The following KLF7 variants were observed in gnomAD, a reference collection of about 807,000 sequenced individuals.
The protein encoded by KLF7 is Krueppel-like factor 7.
A neutral mutation model predicts 27.3 loss-of-function variants in KLF7; 2 were observed. That is an observed-to-expected ratio of 0.07 (90% CI 0.03 to 0.23). The LOEUF is 0.23. KLF7 is among the 10% of genes least tolerant of loss of function. KLF7 has a pLI of 1.00. For missense variants in KLF7, 221 were observed against 394.1 expected, an observed-to-expected ratio of 0.56 and a Z score of 3.72; for synonymous variants, 165 against 162.4, an observed-to-expected ratio of 1.02 and a Z score of -0.12.
chr2:207,088,410 A>G (rs1298059335), intron 3 of KLF7, 48 bp downstream of exon 3: 1 of 1,590,148 alleles, frequency 6.3e-7, no homozygotes. Flanking sequence ...CCTCCAACCC[A>G]CTTCCCCATC....
intron 2 of KLF7, among the ~76,000 whole-genome samples, chr2:207,094,607 T>C (rs951245816): frequency 5.9e-5 from 9 of 152,190 alleles, no homozygotes; most frequent in African/African-American, 1.2e-4. Flanking sequence ...AATAAAGACA[T>C]TGTAGAGAAA....
At chr2:207,152,475 A>G (rs2078273399) in intron 1 of KLF7, among the ~76,000 whole-genome samples, 1 of 152,214 alleles carries the variant, frequency 6.6e-6, no homozygotes, top group Non-Finnish European at 1.5e-5. Flanking sequence ...TGCTCAGGAA[A>G]ATCAGTCAGT....
intron 3 of KLF7, among the ~76,000 whole-genome samples, chr2:207,082,468 T>C (rs2076295349): frequency 6.6e-6 from 1 of 152,228 alleles, no homozygotes; most frequent in Non-Finnish European, 1.5e-5. Context: ...AATCTAATTC[T>C]GTTCTTCTTA....
chr2:207,166,065 T>C, upstream of KLF7: 1 of 720,338 alleles, frequency 1.4e-6, no homozygotes, highest in Non-Finnish European at 1.6e-6. Flanking sequence ...CCTTGCTAGT[T>C]TGTAGTCTTC....
intron 1 of KLF7, among the ~76,000 whole-genome samples, chr2:207,148,671 G>A (rs531814732): frequency 7.9e-5 from 12 of 152,084 alleles, no homozygotes; most frequent in Non-Finnish European, 1.5e-5. Context: ...AAGATCTGGC[G>A]ACAGGTTCTG....
intron 1 of KLF7, among the ~76,000 whole-genome samples, chr2:207,130,879 T>C (rs1413967637): frequency 6.6e-6 from 1 of 152,222 alleles, no homozygotes; most frequent in African/African-American, 2.4e-5. Context: ...ATAAAGAAAT[T>C]GCAATTTTCT....
intron 1 of KLF7, among the ~76,000 whole-genome samples, chr2:207,126,229 T>C (rs2077472768): frequency 6.6e-6 from 1 of 152,152 alleles, no homozygotes; most frequent in Admixed American, 6.5e-5. Flanking sequence ...ATCACTTACA[T>C]CTCTCCAATA....
Position 207,123,968 on chromosome 2 carries a change from C to A in KLF7, c.539G>T (p.Gly180Val). Reference protein sequence around the residue: ...KAALSSVKVGGVATAAAAVTA... With the variant: ...KAALSSVKVGVVATAAAAVTA... The stretch of plus-strand genomic sequence containing the variant: ...CACGGCTGCTGCAGCTGTTGCGACC[C>A]CTCCCACCTTTACGGAGCTGAGAGC... Residue 180 changes from glycine to valine, a missense_variant, in exon 2 of 4, where the codon GGG becomes GTG. Gly to Val is a moderately radical substitution (Grantham distance 109). Transcript: ENST00000309446. 1 of 1,614,210 alleles carries A rather than the reference C, an allele frequency of 6.2e-7. No individual in the cohort carries two copies. The highest frequency in any genetic ancestry group is 8.5e-7 in the Non-Finnish European group (1 of 1,180,036).
At chr2:207,131,949 C>T (rs747051370) in intron 1 of KLF7, among the ~76,000 whole-genome samples, 3 of 152,098 alleles carry the variant, frequency 2.0e-5, no homozygotes, top group Non-Finnish European at 2.9e-5. Flanking sequence ...AGGAAGAAGA[C>T]GGTAACACTG....
At chr2:207,142,498 T>C (rs905486347) in intron 1 of KLF7, among the ~76,000 whole-genome samples, 1 of 152,176 alleles carries the variant, frequency 6.6e-6, no homozygotes, top group Non-Finnish European at 1.5e-5. Context: ...AAGAGAGGGA[T>C]AGAAATACAT....
rs1178295886 is a variant in KLF7, at chr2:207,075,648, AG to A, written c.*5564del. On this transcript the variant is annotated 3_prime_UTR_variant, in exon 4 of 4. Coordinates refer to ENST00000309446, the MANE Select transcript of KLF7 (RefSeq NM_003709.4). ...AGTGGCTGGGAAGTTGTGTGGGAGT[AG>A]GAAGTGGGAGAAGGAGCTTGACGCG... 6.8e-6 allele frequency: 1 copy of A among 147,652 alleles called. No homozygotes were observed. Among genetic ancestry groups the A allele is most frequent in the Non-Finnish European group, 1.5e-5 (1 of 66,782 alleles). The allele number at this position is 147,652 out of a possible 1,614,324, so 9.1% of individuals were successfully genotyped here.
At chr2:207,089,684 G>C (rs1336941977) in intron 2 of KLF7, among the ~76,000 whole-genome samples, 1 of 151,926 alleles carries the variant, frequency 6.6e-6, no homozygotes, top group African/African-American at 2.4e-5. Flanking sequence ...TCTGACCTTG[G>C]GCAGGTTAAC....
At chr2:207,093,712 C>T (rs1293067606) in intron 2 of KLF7, among the ~76,000 whole-genome samples, 2 of 152,140 alleles carry the variant, frequency 1.3e-5, no homozygotes, top group South Asian at 2.1e-4. Context: ...CAATCCCGTC[C>T]GATACATTAG....
chr2:207,086,385 T>G (rs185302213), intron 3 of KLF7, among the ~76,000 whole-genome samples: 2 of 152,226 alleles, frequency 1.3e-5, no homozygotes, highest in Non-Finnish European at 2.9e-5. Context: ...CTGCCTGTCA[T>G]GAGACACTAA....
intron 2 of KLF7, among the ~76,000 whole-genome samples, chr2:207,113,385 T>C (rs534151951): frequency 6.6e-6 from 1 of 152,266 alleles, no homozygotes; most frequent in South Asian, 2.1e-4. Context: ...AAGGATTTAG[T>C]TGAGAAGGCA....
In KLF7 at chr2:207,080,274, T is replaced by A. The variant is rs2076245070; in HGVS notation, c.*939A>T. 1.3e-5 allele frequency: 2 copies of A among 152,182 alleles called. No individual in the cohort carries two copies. The highest frequency in any genetic ancestry group is 4.1e-4 in the South Asian group (2 of 4,822). The allele number at this position is 152,182 out of a possible 1,614,324, so 9.4% of individuals were successfully genotyped here. ...AACATTTAAGCTTCCAAATAAGCTT[T>A]TCAAGTTTTCGTTAGCAAAAACGGA... On this transcript the variant is annotated 3_prime_UTR_variant, in exon 4 of 4. Transcript: ENST00000309446.
At chr2:207,169,472 C>T (rs1395529711), upstream of KLF7, among the ~76,000 whole-genome samples, 3 of 152,138 alleles carry the variant, frequency 2.0e-5, no homozygotes, top group Non-Finnish European at 4.4e-5. Flanking sequence ...TCAGACCAAT[C>T]AGTGAAGAAA....
chr2:207,171,394 A>C (rs183843692), upstream of KLF7, among the ~76,000 whole-genome samples: 467 of 152,328 alleles, frequency 3.1e-3, 1 homozygote, highest in Non-Finnish European at 5.4e-3. Context: ...ATTATTATAC[A>C]TAAAATGAGT....
intron 1 of KLF7, among the ~76,000 whole-genome samples, chr2:207,140,219 T>C (rs919659214): frequency 6.6e-6 from 1 of 152,188 alleles, no homozygotes; most frequent in African/African-American, 2.4e-5. Context: ...AGAAAACTTA[T>C]AAACACAATT....
Sources: allele counts gnomAD v4.1 joint callset (sites outside exome capture counted in the v4.1 genomes callset), GRCh38; gene constraint gnomAD v4.1.1; transcripts MANE v1.5; gene names NCBI Gene and HGNC (gene_info 2026-07-23, HGNC 2026-07-21).